Variants in RIGI observed in about 807,000 individuals in gnomAD.
The protein encoded by RIGI is RNA sensor RIG-I, also known as antiviral innate immune response receptor RIG-I.
the RIGI span, among the ~76,000 whole-genome samples, chr9:32,516,808 G>T: frequency 6.6e-6 from 1 of 152,098 alleles, no homozygotes; most frequent in Non-Finnish European, 1.5e-5. Context: ...CAGTGGGATC[G>T]GCTTCTCTCA....
chr9:32,525,482 T>C, the RIGI span, among the ~76,000 whole-genome samples: 2 of 152,220 alleles, frequency 1.3e-5, no homozygotes, highest in South Asian at 4.1e-4. Flanking sequence ...AAATGGTCAT[T>C]ACCCAGGATC....
At chr9:32,512,502 T>C in the RIGI span, among the ~76,000 whole-genome samples, 2 of 152,264 alleles carry the variant, frequency 1.3e-5, no homozygotes, top group South Asian at 4.2e-4. Context: ...GAAAACGCCG[T>C]TGATAAAATT....
the RIGI span, among the ~76,000 whole-genome samples, chr9:32,513,179 C>T: frequency 2.6e-5 from 4 of 151,976 alleles, no homozygotes; most frequent in Admixed American, 2.6e-4. Context: ...CCATCCCCAT[C>T]AAGCTACCAA....
chr9:32,469,079 A>T, the RIGI span, among the ~76,000 whole-genome samples: 1 of 151,988 alleles, frequency 6.6e-6, no homozygotes, highest in South Asian at 2.1e-4. Flanking sequence ...GGATTTGGAG[A>T]CCCCCTGTGA....
At chr9:32,499,294 C>G in the RIGI span, among the ~76,000 whole-genome samples, 7 of 110,092 alleles carry the variant, frequency 6.4e-5, no homozygotes, top group East Asian at 1.8e-3. Flanking sequence ...TTGAAAATAT[C>G]TTCTCCCAGA....
At chr9:32,457,628 G>A in the RIGI span, among the ~76,000 whole-genome samples, 6 of 152,148 alleles carry the variant, frequency 3.9e-5, no homozygotes, top group Non-Finnish European at 7.4e-5. Flanking sequence ...CAGGCAGGGT[G>A]GGGTTGCAAG....
the RIGI span, chr9:32,457,244 C>T: frequency 1.2e-6 from 2 of 1,614,136 alleles, no homozygotes; most frequent in Non-Finnish European, 1.7e-6. Flanking sequence ...ATTTTTATAA[C>T]TGGAATCTCA....
the RIGI span, among the ~76,000 whole-genome samples, chr9:32,509,484 C>A: frequency 6.6e-6 from 1 of 152,268 alleles, no homozygotes; most frequent in East Asian, 1.9e-4. Flanking sequence ...ATCCAGCAAA[C>A]TCCAGCAGAC....
chr9:32,505,003 T>C, the RIGI span, among the ~76,000 whole-genome samples: 2 of 131,486 alleles, frequency 1.5e-5, no homozygotes, highest in Non-Finnish European at 3.3e-5. Context: ...ATATATAATA[T>C]ATATGTTTAA....
At chr9:32,489,408 A>C in the RIGI span, 1 of 1,613,466 alleles carries the variant, frequency 6.2e-7, no homozygotes, top group Non-Finnish European at 8.5e-7. Flanking sequence ...CTAATTGGTA[A>C]TTTCTTGGTT....
At chr9:32,479,362 C>G in the RIGI span, among the ~76,000 whole-genome samples, 1 of 152,116 alleles carries the variant, frequency 6.6e-6, no homozygotes, top group Non-Finnish European at 1.5e-5. Context: ...ACTGGTTACA[C>G]ATATGTACAG....
chr9:32,497,089 G>A, the RIGI span, among the ~76,000 whole-genome samples: 1 of 152,110 alleles, frequency 6.6e-6, no homozygotes, highest in South Asian at 2.1e-4. Context: ...CAAAAAAAAT[G>A]CCATTGCGAT....
At chr9:32,500,082 T>C in the RIGI span, among the ~76,000 whole-genome samples, 1 of 152,220 alleles carries the variant, frequency 6.6e-6, no homozygotes, top group Non-Finnish European at 1.5e-5. Context: ...AATGGTCAGT[T>C]TGTCAATGCC....
chr9:32,496,353 G>C, the RIGI span, among the ~76,000 whole-genome samples: 2 of 152,204 alleles, frequency 1.3e-5, no homozygotes, highest in African/African-American at 2.4e-5. Context: ...GGGTGTGTCT[G>C]TAAGGGTGTT....
At chr9:32,478,053 G>GT in the RIGI span, among the ~76,000 whole-genome samples, 3 of 151,004 alleles carry the variant, frequency 2.0e-5, no homozygotes, top group Admixed American at 6.6e-5. Flanking sequence ...TTTTGTTTTT[G>GT]TTTTTTTTCC....
the RIGI span, among the ~76,000 whole-genome samples, chr9:32,494,292 G>T: frequency 2.1e-3 from 322 of 152,106 alleles, no homozygotes; most frequent in Non-Finnish European, 3.6e-3. Context: ...GGTTTATTAA[G>T]TATCTTCTCA....
the RIGI span, among the ~76,000 whole-genome samples, chr9:32,511,306 C>T: frequency 6.6e-6 from 1 of 152,182 alleles, no homozygotes; most frequent in Non-Finnish European, 1.5e-5. Context: ...CCACATCATA[C>T]TTATTCTAAA....
At chr9:32,489,625 G>C in the RIGI span, among the ~76,000 whole-genome samples, 1 of 149,726 alleles carries the variant, frequency 6.7e-6, no homozygotes, top group South Asian at 2.1e-4. Context: ...TTGAAGTACA[G>C]AATTCTCTCA....
At chr9:32,523,529 T>C in the RIGI span, among the ~76,000 whole-genome samples, 2 of 152,220 alleles carry the variant, frequency 1.3e-5, no homozygotes, top group South Asian at 4.2e-4. Context: ...CTGGAAGTCA[T>C]TTCCACCCTG....
Sources: gnomAD v4.1 joint callset for allele counts (sites outside exome capture counted in the v4.1 genomes callset) on GRCh38, gnomAD v4.1.1 for gene constraint, MANE v1.5 for transcripts, NCBI Gene and HGNC (gene_info 2026-07-23, HGNC 2026-07-21) for gene names.